Variants in MAP4K3 observed in about 807,000 individuals in gnomAD.
MAP4K3 encodes MAPK/ERK kinase kinase kinase 3.
Under a neutral mutation model 143.5 loss-of-function variants are expected in MAP4K3, and 94 were observed. That is an observed-to-expected ratio of 0.65 (90% CI 0.55 to 0.78). The LOEUF is 0.78. Ranked by LOEUF, MAP4K3 falls within the 30% of genes least tolerant of loss-of-function variation. The pLI is 0.00. For missense variants in MAP4K3, 1,077 were observed against 1,068.1 expected (o/e 1.01, Z -0.12); for synonymous variants, 416 against 347.2 (o/e 1.20, Z -2.20).
chr2:39,295,167 C>T (rs1340015421), intron 16 of MAP4K3, among the ~76,000 whole-genome samples: 21 of 151,858 alleles, frequency 1.4e-4, no homozygotes, highest in Admixed American at 1.4e-3. Context: ...AGTGCACTGA[C>T]ATATATAATA....
intron 4 of MAP4K3, among the ~76,000 whole-genome samples, chr2:39,339,290 A>G (rs1665073714): frequency 6.6e-6 from 1 of 152,240 alleles, no homozygotes; most frequent in Admixed American, 6.5e-5. Context: ...GCCCACACAC[A>G]TTCAGTAAGA....
chr2:39,416,698 G>A (rs1031547835), intron 1 of MAP4K3, among the ~76,000 whole-genome samples: 2 of 152,214 alleles, frequency 1.3e-5, no homozygotes, highest in Non-Finnish European at 2.9e-5. Context: ...CTCATATCCA[G>A]AAGGGTACTT....
intron 18 of MAP4K3, 51 bp downstream of exon 18, chr2:39,292,722 T>C: frequency 3.5e-6 from 5 of 1,433,774 alleles, no homozygotes; most frequent in Non-Finnish European, 4.9e-6. Flanking sequence ...ATTGATGAAA[T>C]CAGGTCAAAT....
chr2:39,273,956 TAC>T (rs1476961852), intron 24 of MAP4K3, among the ~76,000 whole-genome samples: 1 of 152,194 alleles, frequency 6.6e-6, no homozygotes, highest in African/African-American at 2.4e-5. Context: ...AGTAGCAAGA[TAC>T]AGATTTTTAT....
chr2:39,427,221 C>G (rs1665116653), intron 1 of MAP4K3, among the ~76,000 whole-genome samples: 1 of 151,892 alleles, frequency 6.6e-6, no homozygotes, highest in Non-Finnish European at 1.5e-5. Context: ...CTATACCCCA[C>G]TAAACTATGA....
In MAP4K3 at chr2:39,318,123, T is replaced by A. The variant is rs139082304; in HGVS notation, c.919-2735A>T. The stretch of plus-strand genomic sequence containing the variant: ...ACAAGGATGGAGCTGGAGGCCATTA[T>A]CCTAAGTAAACTAACTCAGGAGCAG... On this transcript the variant is annotated intron_variant, in intron 12 of 33. Transcript: ENST00000263881. Among the ~76,000 whole-genome samples the A allele has an allele frequency of 1.9e-3, 284 of 152,264 alleles. 2 individuals carry two copies. Among genetic ancestry groups the A allele is most frequent in the African/African-American group, 6.6e-3 (275 of 41,562 alleles).
intron 13 of MAP4K3, among the ~76,000 whole-genome samples, chr2:39,314,628 G>A (rs1683053261): frequency 6.6e-6 from 1 of 152,084 alleles, no homozygotes; most frequent in Non-Finnish European, 1.5e-5. Flanking sequence ...ATGCTTCTAA[G>A]GAATAAAAAA....
intron 27 of MAP4K3, among the ~76,000 whole-genome samples, chr2:39,266,500 T>C (rs1227454668): frequency 1.3e-5 from 2 of 152,222 alleles, no homozygotes; most frequent in African/African-American, 4.8e-5. Context: ...TTATGATTTT[T>C]TTTTTGCCTC....
rs533091960 is a variant in MAP4K3 at position 39,386,747 on chromosome 2, T to C, written c.97-8624A>G. On this transcript the variant is annotated intron_variant, in intron 1 of 33. Transcript: ENST00000263881. The stretch of plus-strand genomic sequence containing the variant: ...TTTCTGGACCCCATGTTGATCTATA[T>C]TGATCTAGTGATTGTGTGTTTATCT... Among the ~76,000 whole-genome samples the C allele has an allele frequency of 1.4e-4, 22 of 152,290 alleles. No individual in the cohort carries two copies. The South Asian group carries it at 3.9e-3, about 27-fold the overall frequency.
Position 39,337,507 on chromosome 2 carries a change from G to C in MAP4K3, c.366+19C>G, listed in dbSNP as rs1489268842. ...TAGTTTAATGAAAAATGTTATTTTT[G>C]AATTAGCACTTGATTTACCTGCAGT... is the stretch of plus-strand genomic sequence containing the variant. On this transcript the variant is annotated intron_variant, in intron 5 of 33. Coordinates refer to ENST00000263881, the MANE Select transcript of MAP4K3 (RefSeq NM_003618.4). 3 of 1,593,992 alleles carry C rather than the reference G, an allele frequency of 1.9e-6. No homozygotes were observed. The highest frequency in any genetic ancestry group is 2.7e-5 in the African/African-American group (2 of 74,464).
At position 39,429,064 on chromosome 2, in the gene MAP4K3, C is replaced by CAAAAAA. The variant is rs34783806; in HGVS notation, c.96+7822_96+7827dup. ...TGGGCGACAGAGCGAGACTCCGTCT[C>CAAAAAA]AAAAAAAAAAAAAAAAAAAAAAAAA... On this transcript the variant is annotated intron_variant, in intron 1 of 33. Transcript: ENST00000263881. Among the ~76,000 whole-genome samples the CAAAAAA allele has an allele frequency of 1.7e-4, 10 of 60,072 alleles. 1 individual carries two copies. Among genetic ancestry groups the CAAAAAA allele is most frequent in the Middle Eastern group, 0.023 (1 of 44 alleles). 39.4% of individuals were successfully genotyped at this position (60,072 alleles called of 152,430 possible).
At chr2:39,301,973 A>G (rs557852089) in intron 15 of MAP4K3, among the ~76,000 whole-genome samples, 2 of 152,182 alleles carry the variant, frequency 1.3e-5, no homozygotes, top group South Asian at 4.2e-4. Flanking sequence ...GCAGTGAGCC[A>G]ACATTGCGCC....
At chr2:39,313,819 A>G (rs1382608247) in intron 13 of MAP4K3, among the ~76,000 whole-genome samples, 1 of 151,666 alleles carries the variant, frequency 6.6e-6, no homozygotes, top group Admixed American at 6.6e-5. Context: ...CAGCCTAGAC[A>G]TCTAGTTTGA....
At chr2:39,382,329 T>C (rs888289015) in intron 1 of MAP4K3, among the ~76,000 whole-genome samples, 3 of 152,196 alleles carry the variant, frequency 2.0e-5, no homozygotes, top group African/African-American at 4.8e-5. Context: ...TCATCTACTA[T>C]GTATTGAGCC....
intron 1 of MAP4K3, among the ~76,000 whole-genome samples, chr2:39,413,193 T>C (rs1376427667): frequency 1.3e-5 from 2 of 152,224 alleles, no homozygotes; most frequent in Admixed American, 6.5e-5. Context: ...CTAAATTCCT[T>C]GTATCAGAAA....
chr2:39,394,947 T>A (rs1034545137), intron 1 of MAP4K3, among the ~76,000 whole-genome samples: 1 of 152,128 alleles, frequency 6.6e-6, no homozygotes, highest in East Asian at 1.9e-4. Context: ...TAATTATTCT[T>A]CCAGAAATAG....
intron 4 of MAP4K3, among the ~76,000 whole-genome samples, chr2:39,340,467 A>G (rs181407134): frequency 6.6e-6 from 1 of 152,354 alleles, no homozygotes; most frequent in East Asian, 1.9e-4. Context: ...CCACTGAGCC[A>G]GTTGCTGACC....
chr2:39,411,546 T>C (rs1435854314), intron 1 of MAP4K3, among the ~76,000 whole-genome samples: 1 of 152,256 alleles, frequency 6.6e-6, no homozygotes, highest in Non-Finnish European at 1.5e-5. Flanking sequence ...ATGTCTTTGC[T>C]AGACGATTAA....
At chr2:39,319,367 A>G (rs1329271476) in intron 12 of MAP4K3, among the ~76,000 whole-genome samples, 2 of 152,128 alleles carry the variant, frequency 1.3e-5, no homozygotes, top group African/African-American at 2.4e-5. Context: ...TCCTTGAACA[A>G]AAGTTTGAAC....
Sources: allele counts gnomAD v4.1 joint callset (sites outside exome capture counted in the v4.1 genomes callset), GRCh38; gene constraint gnomAD v4.1.1; transcripts MANE v1.5; gene names NCBI Gene and HGNC (gene_info 2026-07-23, HGNC 2026-07-21).